The following ABLIM2 variants were observed in gnomAD, a reference collection of about 807,000 sequenced individuals.
ABLIM2 encodes actin binding LIM protein family member 2.
In ABLIM2, 53 loss-of-function variants were observed where a neutral mutation model predicts 97.7. That is an observed-to-expected ratio of 0.54 (90% CI 0.44 to 0.68). The LOEUF is 0.68. Ranked by LOEUF, ABLIM2 falls within the 30% of genes least tolerant of loss-of-function variation. The probability of loss-of-function intolerance (pLI) is 0.00; values close to 1 mark genes in which losing one functional copy is unlikely to be tolerated. For synonymous variants in ABLIM2, 361 were observed against 345.8 expected (o/e 1.04, Z -0.49); for missense variants, 835 against 867.2 (o/e 0.96, Z 0.47).
At chr4:8,089,927 C>T (rs940975559) in intron 3 of ABLIM2, among the ~76,000 whole-genome samples, 2 of 152,278 alleles carry the variant, frequency 1.3e-5, no homozygotes, top group East Asian at 1.9e-4. Context: ...CCCACCAGGG[C>T]CTGCCAGATG....
intron 1 of ABLIM2, among the ~76,000 whole-genome samples, chr4:8,136,064 T>C (rs868865599): frequency 6.6e-6 from 1 of 152,172 alleles, no homozygotes; most frequent in African/African-American, 2.4e-5. Context: ...CTTGCATCCA[T>C]AGACATGAAC....
chr4:8,010,143 C>T (rs954205606), intron 14 of ABLIM2, among the ~76,000 whole-genome samples: 10 of 152,212 alleles, frequency 6.6e-5, no homozygotes, highest in African/African-American at 2.4e-4. Flanking sequence ...CCAAGAATAC[C>T]ATCTGCAGCT....
At chr4:8,154,384 C>T (rs549746535) in intron 1 of ABLIM2, among the ~76,000 whole-genome samples, 45 of 149,950 alleles carry the variant, frequency 3.0e-4, no homozygotes, top group Non-Finnish European at 3.5e-4. Context: ...CTGGTTCAAG[C>T]GATTCTCCTG....
chr4:8,007,794 C>A, intron 16 of ABLIM2: 1 of 1,262,742 alleles, frequency 7.9e-7, no homozygotes, highest in Non-Finnish European at 1.0e-6. Flanking sequence ...TGGGTTTCTG[C>A]ATTCTTGCAC....
chr4:8,127,440 T>A lies in ABLIM2; in HGVS notation c.11-20803A>T. On this transcript the variant is annotated intron_variant, in intron 1 of 20. Transcript: ENST00000447017. The surrounding 1 kb of genome is among the most constrained non-coding windows in gnomAD (Gnocchi z 7.3). ...GACCCGTCCTTTCCCACCAGACCCC[T>A]GAAGCTGATTCATGGAGCTCACAGC... The A allele has an allele frequency of 8.0e-7, 1 of 1,248,502 alleles. No individual in the cohort carries two copies. Among genetic ancestry groups the A allele is most frequent in the East Asian group, 5.7e-5 (1 of 17,476 alleles). The allele number at this position is 1,248,502 out of a possible 1,614,324, so 77.3% of individuals were successfully genotyped here.
chr4:8,090,344 C>G (rs1826500269), intron 3 of ABLIM2, among the ~76,000 whole-genome samples: 1 of 152,220 alleles, frequency 6.6e-6, no homozygotes, highest in Non-Finnish European at 1.5e-5. Context: ...GAAACACTTC[C>G]CACCTATAAA....
intron 3 of ABLIM2, among the ~76,000 whole-genome samples, chr4:8,096,885 G>A (rs1163659310): frequency 1.3e-5 from 2 of 152,220 alleles, no homozygotes; most frequent in African/African-American, 4.8e-5. Flanking sequence ...CCAAAGCGGG[G>A]CAGCCCACCC....
intron 1 of ABLIM2, among the ~76,000 whole-genome samples, chr4:8,144,877 TC>T (rs1477244262): frequency 6.6e-6 from 1 of 152,244 alleles, no homozygotes; most frequent in East Asian, 1.9e-4. Flanking sequence ...ATGTTTTTTA[TC>T]AGGCGCAGAA....
intron 12 of ABLIM2, among the ~76,000 whole-genome samples, chr4:8,025,137 A>G (rs1776494517): frequency 6.6e-6 from 1 of 152,180 alleles, no homozygotes; most frequent in Non-Finnish European, 1.5e-5. Context: ...CATGTTGGCC[A>G]GGCTGGTCTC....
chr4:8,153,345 T>C (rs1713758929), intron 1 of ABLIM2, among the ~76,000 whole-genome samples: 1 of 152,060 alleles, frequency 6.6e-6, no homozygotes, highest in Non-Finnish European at 1.5e-5. Context: ...CCCCAAACCA[T>C]CTCATTGACA....
intron 18 of ABLIM2, among the ~76,000 whole-genome samples, chr4:7,983,769 C>T (rs1205959033): frequency 6.6e-6 from 1 of 152,224 alleles, no homozygotes; most frequent in Non-Finnish European, 1.5e-5. Context: ...GAGCAGGAGG[C>T]ATGGTCAGGC....
chr4:8,055,737 G>A (rs1222871011), intron 7 of ABLIM2, among the ~76,000 whole-genome samples: 1 of 152,188 alleles, frequency 6.6e-6, no homozygotes, highest in East Asian at 1.9e-4. Flanking sequence ...TCGAAGCTCT[G>A]AGAGATGGTG....
chr4:8,049,759 C>CACTCTGTTG (rs1199133401), intron 8 of ABLIM2, among the ~76,000 whole-genome samples: 2 of 152,170 alleles, frequency 1.3e-5, no homozygotes, highest in Non-Finnish European at 2.9e-5. Flanking sequence ...GACAGGGTCT[C>CACTCTGTTG]ACTCTGTTGC....
chr4:8,111,307 T>C (rs1328031539), intron 1 of ABLIM2, among the ~76,000 whole-genome samples: 2 of 152,110 alleles, frequency 1.3e-5, no homozygotes, highest in Non-Finnish European at 2.9e-5. Context: ...AAGGAGACAG[T>C]AAGAGGATTG....
chr4:8,039,016 C>T (rs1490755971), intron 9 of ABLIM2, among the ~76,000 whole-genome samples: 3 of 152,164 alleles, frequency 2.0e-5, no homozygotes, highest in South Asian at 2.1e-4. Context: ...AAGGCCCCTC[C>T]TCGAGGCTTC....
Position 8,149,354 on chromosome 4 carries a change from C to T in ABLIM2, c.10+9326G>A, listed in dbSNP as rs1005463273. On this transcript the variant is annotated intron_variant, in intron 1 of 20. Coordinates refer to ENST00000447017, the MANE Select transcript of ABLIM2 (RefSeq NM_001130083.2). This position sits in a 1 kb window ranked among gnomAD's most constrained non-coding sequence, Gnocchi z 6.4. ...ACAGGGCCTGGGATTAGGACATGGG[C>T]ACCTTTGAGTCCACTGTTCAGCCCC... 1.3e-5 allele frequency among the ~76,000 whole-genome samples: 2 copies of T among 152,080 alleles called. No individual in the cohort carries two copies. The highest frequency in any genetic ancestry group is 2.4e-5 in the African/African-American group (1 of 41,416).
In ABLIM2 at chr4:8,077,686, G is replaced by A. The variant is rs1310567473; in HGVS notation, c.617C>T (p.Ala206Val). 6.2e-7 allele frequency: 1 copy of A among 1,613,174 alleles called. No homozygotes were observed. The highest frequency in any genetic ancestry group is 1.7e-5 in the Admixed American group (1 of 59,944). ...GCTGTCACAGCGGATGCCGAACTTG[G>A]CGTGATAGTCAGCTTCGCAGTAGGG... Reference protein sequence around the residue: ...GLPYCEADYHAKFGIRCDSCE... With the variant: ...GLPYCEADYHVKFGIRCDSCE... Residue 206 changes from alanine (A) to valine (V), a missense_variant, in exon 6 of 21, where the codon GCC becomes GTC. Ala to Val is a moderately conservative substitution (Grantham distance 64). Coordinates refer to ENST00000447017, the MANE Select transcript of ABLIM2 (RefSeq NM_001130083.2).
chr4:7,996,948 A>T lies in ABLIM2; in HGVS notation c.1619-4021T>A, dbSNP rs1296298469. 1.3e-5 allele frequency among the ~76,000 whole-genome samples: 2 copies of T among 151,926 alleles called. No individual in the cohort carries two copies. The highest frequency in any genetic ancestry group is 2.9e-5 in the Non-Finnish European group (2 of 67,988). On this transcript the variant is annotated intron_variant, in intron 16 of 20. Transcript: ENST00000447017. The surrounding 1 kb of genome is among the most constrained non-coding windows in gnomAD (Gnocchi z 4.5). ...CTTAATTTTCAGAAATTTAATTATG[A>T]TGTGTCTTGGTGCAGATTTTTGGGG...
chr4:8,116,781 G>C (rs1241523505), intron 1 of ABLIM2, among the ~76,000 whole-genome samples: 1 of 151,838 alleles, frequency 6.6e-6, no homozygotes, highest in Non-Finnish European at 1.5e-5. Flanking sequence ...TCATAACACA[G>C]ATCACAGCAG....
Sources: allele counts gnomAD v4.1 joint callset (sites outside exome capture counted in the v4.1 genomes callset), GRCh38; gene constraint gnomAD v4.1.1; non-coding constraint Gnocchi (gnomAD v3.1); transcripts MANE v1.5; gene names NCBI Gene and HGNC (gene_info 2026-07-23, HGNC 2026-07-21).